The following NELL1 variants were observed in gnomAD, a reference collection of about 807,000 sequenced individuals.
The protein encoded by NELL1 is protein kinase C-binding protein NELL1.
A neutral mutation model predicts 107.4 loss-of-function variants in NELL1; 76 were observed. The observed-to-expected ratio is 0.71, with a 90% CI of 0.59 to 0.86. NELL1 has a LOEUF of 0.86. Among genes scored for constraint, NELL1 ranks in the 40% least tolerant of loss-of-function variants. The pLI, the probability that NELL1 is intolerant of heterozygous loss-of-function variation, is 0.00. For missense variants in NELL1, 1,024 were observed against 1,005.5 expected, an observed-to-expected ratio of 1.02 and a Z score of -0.25; for synonymous variants, 353 against 341.2, an observed-to-expected ratio of 1.03 and a Z score of -0.38.
chr11:20,736,761 T>G, intron 2 of NELL1, among the ~76,000 whole-genome samples: 1 of 140,776 alleles, frequency 7.1e-6, no homozygotes, highest in East Asian at 2.4e-4. Context: ...TCCTCTCTCC[T>G]TTCATTTTTT....
intron 3 of NELL1, among the ~76,000 whole-genome samples, chr11:20,822,674 T>C (rs551807666): frequency 6.6e-6 from 1 of 152,118 alleles, no homozygotes; most frequent in East Asian, 1.9e-4. Context: ...ATGTGGATGA[T>C]GTAGGTGAGT....
At chr11:21,077,659 C>T (rs1308354024) in intron 12 of NELL1, among the ~76,000 whole-genome samples, 2 of 151,638 alleles carry the variant, frequency 1.3e-5, no homozygotes, top group Non-Finnish European at 2.9e-5. Context: ...ACAAGAATCA[C>T]TTGAACCTGG....
chr11:20,729,289 G>A (rs1269424210), intron 2 of NELL1, among the ~76,000 whole-genome samples: 1 of 151,994 alleles, frequency 6.6e-6, no homozygotes, highest in Non-Finnish European at 1.5e-5. Context: ...CTATTTAGAT[G>A]CCTCTTATTT....
At chr11:21,074,049 G>A (rs1590610703) in intron 12 of NELL1, among the ~76,000 whole-genome samples, 1 of 152,158 alleles carries the variant, frequency 6.6e-6, no homozygotes, top group East Asian at 1.9e-4. Flanking sequence ...CTAGAGGAAG[G>A]CTGGAAAAGT....
At chr11:20,849,534 G>A (rs781293684) in intron 4 of NELL1, among the ~76,000 whole-genome samples, 5 of 152,182 alleles carry the variant, frequency 3.3e-5, no homozygotes, top group Non-Finnish European at 5.9e-5. Context: ...GTAGTTCACA[G>A]TATTCTTTAG....
At chr11:20,916,249 A>C (rs778487278) in intron 5 of NELL1, among the ~76,000 whole-genome samples, 9 of 151,906 alleles carry the variant, frequency 5.9e-5, no homozygotes, top group Non-Finnish European at 8.8e-5. Context: ...GATCTATGTA[A>C]CATACACACG....
At chr11:21,267,116 T>C (rs1848651277) in intron 14 of NELL1, among the ~76,000 whole-genome samples, 1 of 152,084 alleles carries the variant, frequency 6.6e-6, no homozygotes, top group African/African-American at 2.4e-5. Context: ...GGCACATTTT[T>C]AATAACAAAG....
chr11:21,539,546 G>A (rs1856236846), intron 16 of NELL1, among the ~76,000 whole-genome samples: 1 of 151,638 alleles, frequency 6.6e-6, no homozygotes, highest in African/African-American at 2.4e-5. Flanking sequence ...GGATGGACTG[G>A]GAAGACGATC....
chr11:20,917,488 T>A (rs936236632), intron 5 of NELL1, among the ~76,000 whole-genome samples: 12 of 151,952 alleles, frequency 7.9e-5, no homozygotes, highest in African/African-American at 2.4e-4. Context: ...AGCTTCTACA[T>A]CTTCCATCTG....
intron 4 of NELL1, among the ~76,000 whole-genome samples, chr11:20,865,197 G>A (rs889437338): frequency 7.9e-5 from 12 of 152,182 alleles, no homozygotes; most frequent in African/African-American, 2.9e-4. Flanking sequence ...TAGAGATGAA[G>A]ACGAATACAA....
chr11:20,899,133 A>G (rs75097647), intron 5 of NELL1, among the ~76,000 whole-genome samples: 330 of 152,242 alleles, frequency 2.2e-3, no homozygotes, highest in African/African-American at 7.5e-3. Context: ...AACATACTTA[A>G]CAAGTTTAAT....
At position 21,040,661 on chromosome 11, in the gene NELL1, G is replaced by A. The variant is rs532804999; in HGVS notation, c.1301-72928G>A. ...CATTAGCCAGTCTTTGACTTCTTTG[G>A]TCCTCATAGCCAATCTTAGATTAAA... On this transcript the variant is annotated intron_variant, in intron 12 of 19. Coordinates refer to ENST00000357134, the MANE Select transcript of NELL1 (RefSeq NM_006157.5). Among the ~76,000 whole-genome samples the A allele has an allele frequency of 1.4e-3, 211 of 152,164 alleles. 5 individuals carry two copies. The South Asian group carries it at 0.043, about 31-fold the overall frequency.
At chr11:20,854,507 G>C (rs1469345814) in intron 4 of NELL1, among the ~76,000 whole-genome samples, 1 of 152,340 alleles carries the variant, frequency 6.6e-6, no homozygotes, top group African/African-American at 2.4e-5. Flanking sequence ...TTATATGTGA[G>C]TTGGCAGTGC....
intron 15 of NELL1, among the ~76,000 whole-genome samples, chr11:21,382,153 A>G (rs1023934112): frequency 6.6e-6 from 1 of 151,812 alleles, no homozygotes; most frequent in Admixed American, 6.6e-5. Context: ...GGCATCAGGA[A>G]ACCTGGATTC....
At chr11:20,694,179 C>T (rs1357774077) in intron 2 of NELL1, among the ~76,000 whole-genome samples, 2 of 152,042 alleles carry the variant, frequency 1.3e-5, no homozygotes, top group Non-Finnish European at 2.9e-5. Flanking sequence ...TCTAGTTATA[C>T]ATTCGTCTAA....
intron 2 of NELL1, among the ~76,000 whole-genome samples, chr11:20,715,760 T>A (rs938736866): frequency 6.6e-6 from 1 of 152,208 alleles, no homozygotes; most frequent in African/African-American, 2.4e-5. Context: ...TACCTAGAGT[T>A]GAGTATCTGG....
intron 12 of NELL1, among the ~76,000 whole-genome samples, chr11:21,027,159 A>C (rs1852834450): frequency 1.3e-5 from 2 of 152,144 alleles, no homozygotes; most frequent in Admixed American, 1.3e-4. Flanking sequence ...AAAGTGCTAA[A>C]CACTTTGTTC....
intron 15 of NELL1, among the ~76,000 whole-genome samples, chr11:21,421,715 CAG>C (rs1852676903): frequency 6.6e-6 from 1 of 152,022 alleles, no homozygotes; most frequent in African/African-American, 2.4e-5. Context: ...GAAAAAGGAG[CAG>C]AGAGATTATT....
In NELL1 at chr11:21,011,897, A is replaced by G. The variant is rs78674394; in HGVS notation, c.1300+51337A>G. Among the ~76,000 whole-genome samples the G allele has an allele frequency of 1.8e-4, 27 of 152,222 alleles. 1 individual carries two copies. In the East Asian group the frequency reaches 4.5e-3, roughly 25 times the overall value. ...GCATTCCACAAATAGGCATAAAACC[A>G]GTGTTTATTTTCATGTTCAACTTCT... On this transcript the variant is annotated intron_variant, in intron 12 of 19. Transcript: ENST00000357134.
Sources: gnomAD v4.1 joint callset for allele counts (sites outside exome capture counted in the v4.1 genomes callset) on GRCh38, gnomAD v4.1.1 for gene constraint, MANE v1.5 for transcripts, NCBI Gene and HGNC (gene_info 2026-07-23, HGNC 2026-07-21) for gene names.